The following UCK2 variants were observed in gnomAD, a reference collection of about 807,000 sequenced individuals.
UCK2 encodes the protein cytidine monophosphokinase 2.
UCK2 carries 6 observed loss-of-function variants against 30.8 expected under a neutral mutation model. That is an observed-to-expected ratio of 0.19 (90% confidence interval 0.11 to 0.38). UCK2 has a LOEUF of 0.38. UCK2 is among the 10% of genes least tolerant of loss of function. UCK2 has a pLI of 1.00. For synonymous variants in UCK2, 125 were observed against 133.6 expected (o/e 0.94, Z 0.45); for missense variants, 210 against 339.8 (o/e 0.62, Z 3.00).
At chr1:165,831,365 C>T (rs548356908) in intron 1 of UCK2, among the ~76,000 whole-genome samples, 18 of 152,166 alleles carry the variant, frequency 1.2e-4, no homozygotes, top group Non-Finnish European at 1.5e-4. Flanking sequence ...GACTGGGCAA[C>T]GTAGCAAGAC....
intron 1 of UCK2, among the ~76,000 whole-genome samples, chr1:165,857,131 C>G (rs117958295): frequency 6.6e-6 from 1 of 152,130 alleles, no homozygotes. Context: ...TTATTCACCC[C>G]TCTTTTGTTA....
At chr1:165,874,667 A>G (rs1230559495) in intron 1 of UCK2, among the ~76,000 whole-genome samples, 1 of 152,180 alleles carries the variant, frequency 6.6e-6, no homozygotes, top group Non-Finnish European at 1.5e-5. Context: ...AGTTATGGCT[A>G]TCAGGTGCCT....
At chr1:165,862,366 T>C (rs1279646598) in intron 1 of UCK2, among the ~76,000 whole-genome samples, 1 of 151,996 alleles carries the variant, frequency 6.6e-6, no homozygotes, top group Non-Finnish European at 1.5e-5. Context: ...ATCCATAGGG[T>C]GTAGTCTGGC....
intron 1 of UCK2, among the ~76,000 whole-genome samples, chr1:165,861,092 C>T (rs780477944): frequency 6.6e-6 from 1 of 152,090 alleles, no homozygotes; most frequent in South Asian, 2.1e-4. Flanking sequence ...CCATTCTCTG[C>T]TTCATAGTTA....
At chr1:165,870,677 C>G (rs1218571821) in intron 1 of UCK2, among the ~76,000 whole-genome samples, 1 of 152,180 alleles carries the variant, frequency 6.6e-6, no homozygotes, top group African/African-American at 2.4e-5. Context: ...TCCTAGAAAT[C>G]TGTAGGAACC....
At chr1:165,907,635 C>T in intron 6 of UCK2, 49 bp from the exon 7 acceptor site, 1 of 1,603,332 alleles carries the variant, frequency 6.2e-7, no homozygotes, top group Non-Finnish European at 8.5e-7. Flanking sequence ...ACACTCACCC[C>T]TGCACCCATG....
intron 4 of UCK2, among the ~76,000 whole-genome samples, chr1:165,897,005 G>C (rs1647283012): frequency 6.6e-6 from 1 of 152,210 alleles, no homozygotes; most frequent in African/African-American, 2.4e-5. Context: ...GGAGAGATTG[G>C]GAGGCTTCAT....
chr1:165,861,031 C>G (rs1251567573), intron 1 of UCK2, among the ~76,000 whole-genome samples: 1 of 152,174 alleles, frequency 6.6e-6, no homozygotes, highest in Non-Finnish European at 1.5e-5. Context: ...ATTCTGGAGT[C>G]TATGAGGCCC....
chr1:165,869,658 C>CT (rs1557840808), intron 1 of UCK2, among the ~76,000 whole-genome samples: 8 of 66,766 alleles, frequency 1.2e-4, no homozygotes, highest in African/African-American at 4.0e-4. Context: ...TCATCATGGG[C>CT]CTTTTTTTTT....
At chr1:165,846,517 T>C (rs1654453426) in intron 1 of UCK2, among the ~76,000 whole-genome samples, 3 of 152,170 alleles carry the variant, frequency 2.0e-5, no homozygotes, top group Admixed American at 6.5e-5. Flanking sequence ...TTCTCTCTGG[T>C]GGTAGCAGAC....
chr1:165,846,566 G>A (rs577797711), intron 1 of UCK2, among the ~76,000 whole-genome samples: 11 of 152,248 alleles, frequency 7.2e-5, no homozygotes, highest in African/African-American at 2.6e-4. Context: ...ATTAGCCTGG[G>A]ATCCATGGAT....
chr1:165,859,952 A>G (rs1321648573), intron 1 of UCK2, among the ~76,000 whole-genome samples: 5 of 152,188 alleles, frequency 3.3e-5, no homozygotes, highest in Admixed American at 6.5e-5. Context: ...TTCCACTGCA[A>G]TAACCCTCCC....
chr1:165,868,553 G>T (rs976595324), intron 1 of UCK2, among the ~76,000 whole-genome samples: 12 of 152,226 alleles, frequency 7.9e-5, no homozygotes, highest in Non-Finnish European at 1.8e-4. Flanking sequence ...AGCACAATAT[G>T]TTAGGGATAT....
At chr1:165,868,030 G>A (rs1381420076) in intron 1 of UCK2, among the ~76,000 whole-genome samples, 2 of 152,222 alleles carry the variant, frequency 1.3e-5, no homozygotes, top group South Asian at 2.1e-4. Flanking sequence ...GGGATGTTGT[G>A]TAGGCAGGCA....
chr1:165,888,645 T>C (rs566354850), intron 1 of UCK2, among the ~76,000 whole-genome samples: 17 of 59,602 alleles, frequency 2.9e-4, no homozygotes, highest in East Asian at 1.2e-3. Context: ...TCTTCTTCTT[T>C]TTTTTTTTTT....
chr1:165,869,315 T>C (rs1291889282), intron 1 of UCK2, among the ~76,000 whole-genome samples: 2 of 152,148 alleles, frequency 1.3e-5, no homozygotes, highest in African/African-American at 4.8e-5. Context: ...TAACAAGACT[T>C]GCTTCACACA....
chr1:165,863,924 G>C (rs1408840724), intron 1 of UCK2, among the ~76,000 whole-genome samples: 1 of 152,158 alleles, frequency 6.6e-6, no homozygotes, highest in African/African-American at 2.4e-5. Context: ...GTCACCTTAT[G>C]TGTTTTATAA....
intron 1 of UCK2, among the ~76,000 whole-genome samples, chr1:165,847,055 C>T (rs1654467334): frequency 6.6e-6 from 1 of 151,938 alleles, no homozygotes; most frequent in South Asian, 2.1e-4. Flanking sequence ...GCTGCTGCTG[C>T]TGTGAAGTGT....
chr1:165,876,074 A>C (rs958875496), intron 1 of UCK2, among the ~76,000 whole-genome samples: 1 of 152,090 alleles, frequency 6.6e-6, no homozygotes, highest in Non-Finnish European at 1.5e-5. Flanking sequence ...CTGGTTGAAA[A>C]CCATTATAAA....
Sources: gnomAD v4.1 joint callset for allele counts (sites outside exome capture counted in the v4.1 genomes callset) on GRCh38, gnomAD v4.1.1 for gene constraint, MANE v1.5 for transcripts, NCBI Gene and HGNC (gene_info 2026-07-23, HGNC 2026-07-21) for gene names.